The following PDK4 variants were observed in gnomAD, a reference collection of about 807,000 sequenced individuals.
The protein encoded by PDK4 is pyruvate dehydrogenase kinase 4.
A neutral mutation model predicts 51.7 loss-of-function variants in PDK4; 43 were observed. The ratio of observed to expected loss-of-function variants is 0.83; its 90% CI spans 0.65 to 1.07. The LOEUF is 1.07. PDK4 is among the 50% of genes least tolerant of loss of function. PDK4 has a pLI of 0.00. For missense variants in PDK4, 498 were observed against 503.5 expected (o/e 0.99, Z 0.10); for synonymous variants, 170 against 176.6 (o/e 0.96, Z 0.30).
rs1206349907 is a variant in PDK4, at chr7:95,591,927, A to G, written c.694+61T>C. 4.6e-6 allele frequency: 4 copies of G among 860,530 alleles called. No homozygotes were observed. In the African/African-American group the frequency reaches 7.1e-5, roughly 15 times the overall value. The allele number at this position is 860,530 out of a possible 1,614,324, so 53.3% of individuals were successfully genotyped here. ...AAGTTGCTTTATATTTACAAAAAGC[A>G]ATAATATTAGGAGAACACAGAATTT... On this transcript the variant is annotated intron_variant, in intron 6 of 10. Coordinates refer to ENST00000005178, the MANE Select transcript of PDK4 (RefSeq NM_002612.4).
chr7:95,595,387 T>C (rs569876846), intron 1 of PDK4, among the ~76,000 whole-genome samples: 6 of 152,322 alleles, frequency 3.9e-5, no homozygotes, highest in Non-Finnish European at 7.3e-5. Context: ...GTGACAGATA[T>C]AGGAGAATTA....
intron 10 of PDK4, 137 bp from the exon 11 acceptor site, chr7:95,585,918 T>C: frequency 1.4e-6 from 1 of 702,062 alleles, no homozygotes; most frequent in Non-Finnish European, 2.3e-6. Flanking sequence ...GACACAGTAA[T>C]AAGAGCACAC....
chr7:95,596,282 G>T lies in PDK4; in HGVS notation c.12C>A (p.Ala4=). 6.3e-7 allele frequency: 1 copy of T among 1,575,726 alleles called. No individual in the cohort carries two copies. The highest frequency in any genetic ancestry group is 8.6e-7 in the Non-Finnish European group (1 of 1,162,016). The part of the protein sequence containing the change: MKA[A]RFVLRSAGSL... ...AGCCAGCGCTGCGCAGCACGAAGCG[G>T]GCCGCCTTCATCTTGACGCCCACCC... The change falls in exon 1 of 11, where the codon GCC becomes GCA. Residue 4 remains alanine (A), a synonymous_variant. Transcript: ENST00000005178.
intron 6 of PDK4, among the ~76,000 whole-genome samples, chr7:95,590,965 T>G (rs1441117267): frequency 6.6e-6 from 1 of 152,142 alleles, no homozygotes; most frequent in African/African-American, 2.4e-5. Flanking sequence ...TGAGACAGGG[T>G]CTCACTCTGT....
Position 95,589,716 on chromosome 7 carries a change from C to A in PDK4, c.695G>T (p.Gly232Val), listed in dbSNP as rs1181926378. ...GTGAATTGGTTGGTCTGGAAATTTT[C>A]CTAGAAAAATAAAATTCATTAAGAA... is the stretch of plus-strand genomic sequence containing the variant. ...SPELKLTQVNGKFPDQPIHIV... is the reference protein window; with the variant it reads ...SPELKLTQVNVKFPDQPIHIV... Residue 232 changes from glycine to valine, a missense_variant and splice_region_variant, in exon 7 of 11, where the codon GGA becomes GTA. Gly to Val is a moderately radical substitution (Grantham distance 109). Transcript: ENST00000005178. 1 of 1,519,116 alleles carries A rather than the reference C, an allele frequency of 6.6e-7. No homozygotes were observed. Among genetic ancestry groups the A allele is most frequent in the Non-Finnish European group, 9.1e-7 (1 of 1,095,852 alleles). 94.1% of individuals were successfully genotyped at this position (1,519,116 alleles called of 1,614,324 possible). A position where few individuals can be genotyped will look rare whatever the true frequency, so the allele number is the denominator to read the frequency against.
At chr7:95,591,960 G>T (rs1216485732) in intron 6 of PDK4, 28 bp downstream of exon 6, 1 of 1,172,564 alleles carries the variant, frequency 8.5e-7, no homozygotes, top group Admixed American at 2.2e-5. Context: ...TTTTCCACAG[G>T]TTAAAATATA....
chr7:95,593,713 CTGGTCATCTGGGCTTT>C lies in PDK4; in HGVS notation c.314_329del (p.Lys105ArgfsTer8). On this transcript the variant is annotated frameshift_variant, in exon 3 of 11. Transcript: ENST00000005178. LOFTEE classifies it high-confidence loss of function. ...ATAGAGCTTACTCTGATAATGCTTT[CTGGTCATCTGGGCTTT>C]TCTCATGGAATTCCACCAAATCCAT... 1 of 1,537,918 alleles carries C rather than the reference CTGGTCATCTGGGCTTT, an allele frequency of 6.5e-7. No individual in the cohort carries two copies. Among genetic ancestry groups the C allele is most frequent in the Non-Finnish European group, 9.0e-7 (1 of 1,110,736 alleles).
At position 95,596,236 on chromosome 7, in the gene PDK4, C is replaced by A; in HGVS notation, c.58G>T (p.Val20Leu). The change falls in exon 1 of 11, where the codon GTG becomes TTG. Residue 20 changes from valine (V) to leucine (L), a missense_variant. Val to Leu is a conservative substitution (Grantham distance 32). Transcript: ENST00000005178. Reference sequence around the variant, plus strand: ...GAGAAATGCTCCACCTCTCGGGGCACCAGGCCGGCGCCGTTGAGCGAGCCA... The same window carrying A: ...GAGAAATGCTCCACCTCTCGGGGCAACAGGCCGGCGCCGTTGAGCGAGCCA... Reference protein sequence around the residue: ...SAGSLNGAGLVPREVEHFSRY... With the variant: ...SAGSLNGAGLLPREVEHFSRY... 6.2e-7 allele frequency: 1 copy of A among 1,600,932 alleles called. No homozygotes were observed. Among genetic ancestry groups the A allele is most frequent in the Admixed American group, 1.7e-5 (1 of 58,630 alleles).
intron 6 of PDK4, 31 bp downstream of exon 6, chr7:95,591,957 C>T (rs2301630): frequency 0.47 from 520,355 of 1,105,972 alleles, 129,998 homozygotes; most frequent in East Asian, 0.89. Flanking sequence ...GAATTTTCCA[C>T]AGGTTAAAAT....
At chr7:95,588,696 CT>C (rs945770195) in intron 7 of PDK4, among the ~76,000 whole-genome samples, 8 of 152,166 alleles carry the variant, frequency 5.3e-5, no homozygotes, top group Admixed American at 3.3e-4. Context: ...GCAGATTTGT[CT>C]TTTTTAGGCT....
At position 95,584,856 on chromosome 7, in the gene PDK4, A is replaced by G. The variant is rs564518559; in HGVS notation, c.*785T>C. On this transcript the variant is annotated 3_prime_UTR_variant, in exon 11 of 11. Transcript: ENST00000005178. ...TTACTTTGGCAATTCTCTCTCTCCAATCCCCAACATCCCGAGTTCAGTGCA... is the reference window on the plus strand; with the variant it reads ...TTACTTTGGCAATTCTCTCTCTCCAGTCCCCAACATCCCGAGTTCAGTGCA... 1 of 152,610 alleles carries G rather than the reference A, an allele frequency of 6.6e-6. No individual in the cohort carries two copies. The highest frequency in any genetic ancestry group is 2.4e-5 in the African/African-American group (1 of 41,448). The allele number at this position is 152,610 out of a possible 1,614,324, so 9.5% of individuals were successfully genotyped here. A position where few individuals can be genotyped will look rare whatever the true frequency, so the allele number is the denominator to read the frequency against.
At position 95,584,548 on chromosome 7, in the gene PDK4, A is replaced by G; in HGVS notation, c.*1093T>C. The G allele has an allele frequency of 6.6e-6, 1 of 152,190 alleles. No homozygotes were observed. The highest frequency in any genetic ancestry group is 1.5e-5 in the Non-Finnish European group (1 of 68,020). 9.4% of individuals were successfully genotyped at this position (152,190 alleles called of 1,614,324 possible). A position where few individuals can be genotyped will look rare whatever the true frequency, so the allele number is the denominator to read the frequency against. On this transcript the variant is annotated 3_prime_UTR_variant, in exon 11 of 11. Transcript: ENST00000005178. ...TCCAGGCTATTTGCTTAAAATAATT[A>G]CTCTAAAAGGTACTTAAATTCTAAT...
At chr7:95,594,902 C>T (rs1456196723) in intron 2 of PDK4, 121 bp downstream of exon 2, 1 of 552,322 alleles carries the variant, frequency 1.8e-6, no homozygotes, top group Non-Finnish European at 3.1e-6. Context: ...ATTCTTACAT[C>T]TTTCAAAAGT....
intron 4 of PDK4, 72 bp from the exon 5 acceptor site, chr7:95,592,669 G>A: frequency 2.2e-6 from 3 of 1,365,636 alleles, no homozygotes; most frequent in East Asian, 2.3e-5. Flanking sequence ...CACTGAGAAT[G>A]TGACCCGCTG....
chr7:95,596,256 G>C lies in PDK4; in HGVS notation c.38C>G (p.Ser13Trp). 3 of 1,592,512 alleles carry C rather than the reference G, an allele frequency of 1.9e-6. No individual in the cohort carries two copies. Among genetic ancestry groups the C allele is most frequent in the Non-Finnish European group, 2.6e-6 (3 of 1,169,784 alleles). The change falls in exon 1 of 11, where the codon TCG (serine) becomes TGG (tryptophan). Residue 13 changes from serine to tryptophan, a missense_variant. Coordinates refer to ENST00000005178, the MANE Select transcript of PDK4 (RefSeq NM_002612.4). ...AARFVLRSAG[S>W]LNGAGLVPRE... Reference sequence around the variant, plus strand: ...GGGCACCAGGCCGGCGCCGTTGAGCGAGCCAGCGCTGCGCAGCACGAAGCG... The same window carrying C: ...GGGCACCAGGCCGGCGCCGTTGAGCCAGCCAGCGCTGCGCAGCACGAAGCG...
rs1791563850 is a variant in PDK4, at chr7:95,592,540, G to A, written c.587C>T (p.Pro196Leu). 3 of 1,609,224 alleles carry A rather than the reference G, an allele frequency of 1.9e-6. No homozygotes were observed. The African/African-American group carries it at 4.0e-5, about 22-fold the overall frequency. ...GNPSHIGSIDPNCDVVAVVQD... is the reference protein window; with the variant it reads ...GNPSHIGSIDLNCDVVAVVQD... The stretch of plus-strand genomic sequence containing the variant: ...GACCACTGCTACCACATCACAGTTA[G>A]GATCAATGCTTCCAATGTGGCTTGG... The change falls in exon 5 of 11, where the codon CCT becomes CTT. Residue 196 changes from proline to leucine, a missense_variant. Coordinates refer to ENST00000005178, the MANE Select transcript of PDK4 (RefSeq NM_002612.4).
intron 3 of PDK4, 28 bp from the exon 4 acceptor site, chr7:95,592,972 A>T (rs1450803367): frequency 9.4e-6 from 14 of 1,485,458 alleles, no homozygotes; most frequent in Non-Finnish European, 1.1e-5. Context: ...TGGTTAGTAA[A>T]AGTTCAAATA....
rs1167533032 is a variant in PDK4, at chr7:95,592,582, T to A, written c.545A>T (p.Asp182Val). Residue 182 changes from aspartate to valine, a missense_variant, in exon 5 of 11, where the codon GAC becomes GTC. Transcript: ENST00000005178. ...GTGGCTTGGGTTTCCTGTCTGTGAG[T>A]CACTAAATATAAGAACTGTTGAAAA... The part of the protein sequence containing the change: ...LMNQHILIFS[D>V]SQTGNPSHIG... 6.2e-7 allele frequency: 1 copy of A among 1,605,066 alleles called. No homozygotes were observed. The highest frequency in any genetic ancestry group is 1.3e-5 in the African/African-American group (1 of 74,728).
chr7:95,585,878 A>C, intron 10 of PDK4, 97 bp from the exon 11 acceptor site: 1 of 1,054,576 alleles, frequency 9.5e-7, no homozygotes, highest in Admixed American at 2.1e-5. Flanking sequence ...AGAGGTAAGT[A>C]TCCAAACATT....
Sources: allele counts gnomAD v4.1 joint callset (sites outside exome capture counted in the v4.1 genomes callset), GRCh38; gene constraint gnomAD v4.1.1; transcripts MANE v1.5; gene names NCBI Gene and HGNC (gene_info 2026-07-23, HGNC 2026-07-21).